ATP2C2: variants seen among roughly 807,000 people sequenced by gnomAD.
The protein encoded by ATP2C2 is calcium-transporting ATPase type 2C member 2.
In ATP2C2, 171 loss-of-function variants were observed where a neutral mutation model predicts 110.8. That is an observed-to-expected ratio of 1.54 (90% confidence interval 1.36 to 1.75). The LOEUF (loss-of-function observed/expected upper bound fraction) is 1.75. Ranked by LOEUF, ATP2C2 falls within the 40% of genes most tolerant of loss-of-function variation. ATP2C2 has a pLI of 0.00. For synonymous variants in ATP2C2, 804 were observed against 508.4 expected, an observed-to-expected ratio of 1.58 and a Z score of -7.82; for missense variants, 1,963 against 1,235.0, an observed-to-expected ratio of 1.59 and a Z score of -8.84.
At position 84,451,908 on chromosome 16, in the gene ATP2C2, C is replaced by G; in HGVS notation, c.1661-13C>G. ...CCCCCGGTGACCCCTCCTTACTCCC[C>G]CTCTCTCCTCAGTGCTGGCCCTGGC... On this transcript the variant is annotated splice_polypyrimidine_tract_variant and intron_variant, in intron 17 of 26. Transcript: ENST00000262429. 2 of 1,609,400 alleles carry G rather than the reference C, an allele frequency of 1.2e-6. No homozygotes were observed. The highest frequency in any genetic ancestry group is 1.1e-5 in the South Asian group (1 of 90,882).
At chr16:84,428,886 T>C (rs1454974838) in intron 11 of ATP2C2, among the ~76,000 whole-genome samples, 4 of 152,192 alleles carry the variant, frequency 2.6e-5, no homozygotes, top group Admixed American at 1.3e-4. Flanking sequence ...GGTTGGACTT[T>C]CCCCCTAGAC....
intron 6 of ATP2C2, 198 bp downstream of exon 6, chr16:84,410,963 G>A: frequency 1.6e-6 from 1 of 608,528 alleles, no homozygotes; most frequent in Non-Finnish European, 2.9e-6. Context: ...AACCTCTCTG[G>A]GCCTCAGCTC....
At position 84,418,892 on chromosome 16, in the gene ATP2C2, G is replaced by C. The variant is rs74250115; in HGVS notation, c.624+3301G>C. On this transcript the variant is annotated intron_variant, in intron 7 of 26. Transcript: ENST00000262429. The stretch of plus-strand genomic sequence containing the variant: ...CCTTCTGGAGGTCAAAATTGAAATC[G>C]TTTTCACTGGGTGGAAATCAACAGT... 1.9e-4 allele frequency among the ~76,000 whole-genome samples: 29 copies of C among 152,194 alleles called. No individual in the cohort carries two copies. In the East Asian group the frequency reaches 5.4e-3, roughly 28 times the overall value.
intron 23 of ATP2C2, chr16:84,459,950 G>A: frequency 3.7e-6 from 1 of 267,000 alleles, no homozygotes; most frequent in South Asian, 4.8e-5. Context: ...CTGGCCAAGT[G>A]GTGTGGGGGA....
intron 1 of ATP2C2, among the ~76,000 whole-genome samples, chr16:84,377,386 T>A (rs1910310515): frequency 6.6e-6 from 1 of 152,050 alleles, no homozygotes; most frequent in Non-Finnish European, 1.5e-5. Context: ...ATCCCAAAGG[T>A]GTCCAGCCAG....
chr16:84,403,457 C>T (rs776393819), intron 2 of ATP2C2, among the ~76,000 whole-genome samples: 3 of 152,052 alleles, frequency 2.0e-5, no homozygotes, highest in Non-Finnish European at 4.4e-5. Context: ...AGGAGTCTGC[C>T]ACCACAATGG....
rs189936398 is a variant in ATP2C2 at position 84,377,564 on chromosome 16, A to C, written c.99+8850A>C. Among the ~76,000 whole-genome samples the C allele has an allele frequency of 3.7e-4, 57 of 152,180 alleles. 1 individual carries two copies. Among genetic ancestry groups the C allele is most frequent in the African/African-American group, 1.1e-3 (47 of 41,520 alleles). The stretch of plus-strand genomic sequence containing the variant: ...GTCTTCATACGGTTGTCCTCTGTGC[A>C]TGGCTGTGTCCTAATCTCCTCCTTT... On this transcript the variant is annotated intron_variant, in intron 1 of 26. Coordinates refer to ENST00000262429, the MANE Select transcript of ATP2C2 (RefSeq NM_014861.4).
intron 15 of ATP2C2, among the ~76,000 whole-genome samples, chr16:84,445,071 C>T (rs568613085): frequency 2.0e-5 from 3 of 152,186 alleles, no homozygotes; most frequent in Non-Finnish European, 2.9e-5. Flanking sequence ...GGGCCAGGCT[C>T]CGTCTCCCAG....
intron 11 of ATP2C2, among the ~76,000 whole-genome samples, chr16:84,437,970 G>C (rs778961441): frequency 5.3e-5 from 8 of 152,154 alleles, no homozygotes; most frequent in Non-Finnish European, 8.8e-5. Flanking sequence ...GAATGGACTC[G>C]TGCTCTGAGT....
At chr16:84,401,158 G>A (rs1905292395) in intron 2 of ATP2C2, among the ~76,000 whole-genome samples, 1 of 151,772 alleles carries the variant, frequency 6.6e-6, no homozygotes, top group Admixed American at 6.6e-5. Flanking sequence ...CAATGTCCTG[G>A]AGAGTTTCCC....
chr16:84,404,703 A>G (rs114451233), intron 2 of ATP2C2: 62 of 349,742 alleles, frequency 1.8e-4, no homozygotes, highest in African/African-American at 1.3e-3. Flanking sequence ...TCCTTTGGGT[A>G]TATACCCCAA....
At chr16:84,463,515 C>T (rs1210629502) in intron 26 of ATP2C2, 99 bp from the exon 27 acceptor site, 13 of 994,482 alleles carry the variant, frequency 1.3e-5, no homozygotes, top group South Asian at 2.7e-5. Context: ...GTCCTCCGCA[C>T]CTCTCACTTT....
rs542894678 is a variant in ATP2C2, at chr16:84,446,829, G to C, written c.1503+399G>C. Among the ~76,000 whole-genome samples, 94 of 152,298 alleles carry C rather than the reference G, an allele frequency of 6.2e-4. No individual in the cohort carries two copies. The Middle Eastern group carries it at 0.01, about 17-fold the overall frequency. On this transcript the variant is annotated intron_variant, in intron 16 of 26. Transcript: ENST00000262429. The stretch of plus-strand genomic sequence containing the variant: ...CCTGTAATCCAGTGACTGAGGCCCT[G>C]CTGCTAACACCAGTCGCCAACTTGC...
chr16:84,417,109 A>C (rs1906908874), intron 7 of ATP2C2, among the ~76,000 whole-genome samples: 1 of 152,146 alleles, frequency 6.6e-6, no homozygotes, highest in Non-Finnish European at 1.5e-5. Context: ...CAAGTTAGTT[A>C]ACCTCTCTGT....
chr16:84,453,423 C>T, intron 20 of ATP2C2, 52 bp downstream of exon 20: 2 of 1,605,774 alleles, frequency 1.2e-6, no homozygotes, highest in Non-Finnish European at 1.7e-6. Flanking sequence ...GGGCCAGAGA[C>T]ACTGTGGCTC....
At chr16:84,375,351 G>T (rs1198598771) in intron 1 of ATP2C2, among the ~76,000 whole-genome samples, 2 of 152,172 alleles carry the variant, frequency 1.3e-5, no homozygotes, top group Admixed American at 1.3e-4. Flanking sequence ...AGACCAGCCT[G>T]ACCAACGTGG....
intron 7 of ATP2C2, among the ~76,000 whole-genome samples, chr16:84,422,132 A>AT (rs373258346): frequency 2.7e-3 from 411 of 150,128 alleles, no homozygotes; most frequent in Middle Eastern, 0.01. Context: ...CATCACCTTC[A>AT]TTTTTTTTTT....
intron 1 of ATP2C2, among the ~76,000 whole-genome samples, chr16:84,391,317 A>G (rs1904651007): frequency 6.6e-6 from 1 of 152,146 alleles, no homozygotes; most frequent in Admixed American, 6.5e-5. Flanking sequence ...CTTCAGCCCC[A>G]CAGCCCCGGG....
intron 1 of ATP2C2, among the ~76,000 whole-genome samples, chr16:84,379,429 G>T (rs940394751): frequency 1.3e-5 from 2 of 152,212 alleles, no homozygotes; most frequent in Non-Finnish European, 2.9e-5. Context: ...GTCTCCCAAA[G>T]TGTTGGGATT....
Sources: gnomAD v4.1 joint callset for allele counts (sites outside exome capture counted in the v4.1 genomes callset) on GRCh38, gnomAD v4.1.1 for gene constraint, MANE v1.5 for transcripts, NCBI Gene and HGNC (gene_info 2026-07-23, HGNC 2026-07-21) for gene names.